PCNT: variants seen among roughly 807,000 people sequenced by gnomAD.
PCNT encodes the protein kendrin.
In PCNT, 319 loss-of-function variants were observed where a neutral mutation model predicts 380.4. The observed-to-expected ratio is 0.84, with a 90% CI of 0.77 to 0.92. The LOEUF (loss-of-function observed/expected upper bound fraction) is 0.92. Among genes scored for constraint, PCNT ranks in the 40% least tolerant of loss-of-function variants. PCNT has a pLI of 0.00. For synonymous variants in PCNT, 1,845 were observed against 1,735.2 expected, an observed-to-expected ratio of 1.06 and a Z score of -1.57; for missense variants, 4,400 against 4,255.3, an observed-to-expected ratio of 1.03 and a Z score of -0.95.
At chr21:46,350,499 C>T (rs1219250293) in intron 8 of PCNT, among the ~76,000 whole-genome samples, 1 of 152,194 alleles carries the variant, frequency 6.6e-6, no homozygotes, top group African/African-American at 2.4e-5. Flanking sequence ...TGGCCAGGTC[C>T]TCATTGGAGG....
intron 27 of PCNT, among the ~76,000 whole-genome samples, chr21:46,409,783 C>G (rs2086727390): frequency 6.6e-6 from 1 of 151,784 alleles, no homozygotes; most frequent in Admixed American, 6.6e-5. Flanking sequence ...TACTAGAGAC[C>G]AGGGTGCACC....
chr21:46,343,981 C>T (rs2083986125), intron 3 of PCNT, among the ~76,000 whole-genome samples: 1 of 151,852 alleles, frequency 6.6e-6, no homozygotes, highest in Non-Finnish European at 1.5e-5. Context: ...ATTTAGTTTC[C>T]AATTGAGCTT....
rs745929296 is a variant in PCNT, at chr21:46,438,280, C to T, written c.9216C>T (p.Ala3072=). ...VTQEKLELSR[A]VSKLEKLLKH... is the part of the protein sequence containing the mutation. ...AGGAGAAGCTGGAGCTGAGCAGAGCCGTGTCTAAGCTTGAGAAGTTGCTGA... is the reference window on the plus strand; with the variant it reads ...AGGAGAAGCTGGAGCTGAGCAGAGCTGTGTCTAAGCTTGAGAAGTTGCTGA... The change falls in exon 41 of 47, where the codon GCC becomes GCT. Residue 3072 remains alanine, a synonymous_variant. Coordinates refer to ENST00000359568, the MANE Select transcript of PCNT (RefSeq NM_006031.6). 9.3e-6 allele frequency: 15 copies of T among 1,614,050 alleles called. No individual in the cohort carries two copies. Among genetic ancestry groups the T allele is most frequent in the Admixed American group, 8.3e-5 (5 of 60,002 alleles).
intron 4 of PCNT, 76 bp from the exon 5 acceptor site, chr21:46,346,663 CTCAT>C: frequency 6.7e-7 from 1 of 1,491,232 alleles, no homozygotes; most frequent in Non-Finnish European, 9.1e-7. Context: ...CTTACTCATT[CTCAT>C]TCATGCTTCT....
Position 46,326,376 on chromosome 21 carries a change from G to T in PCNT, c.55-1G>T. 1 of 1,614,114 alleles carries T rather than the reference G, an allele frequency of 6.2e-7. No individual in the cohort carries two copies. The highest frequency in any genetic ancestry group is 8.5e-7 in the Non-Finnish European group (1 of 1,180,004). ...TACTACTTATCTACATTTTTGCGCA[G>T]CTTGCTCACTTCCGACAGAGAAAAA... On this transcript the variant is annotated splice_acceptor_variant, in intron 1 of 46. Transcript: ENST00000359568. LOFTEE classifies it high-confidence loss of function.
At chr21:46,375,727 C>A (rs999118826) in intron 15 of PCNT, among the ~76,000 whole-genome samples, 3 of 152,222 alleles carry the variant, frequency 2.0e-5, no homozygotes, top group African/African-American at 7.2e-5. Flanking sequence ...GCTGGGCCTG[C>A]ATGCCTGTGA....
At chr21:46,383,527 G>T (rs2085676684) in intron 16 of PCNT, among the ~76,000 whole-genome samples, 1 of 139,232 alleles carries the variant, frequency 7.2e-6, no homozygotes, top group Non-Finnish European at 1.5e-5. Flanking sequence ...ATATTCAGTG[G>T]CGGAAGCGCA....
At chr21:46,348,959 C>G (rs2084172587) in intron 6 of PCNT, 53 bp from the exon 7 acceptor site, 1 of 1,232,752 alleles carries the variant, frequency 8.1e-7, no homozygotes, top group East Asian at 2.3e-5. Flanking sequence ...ATTTAAATTT[C>G]TTTAGCACAG....
intron 15 of PCNT, among the ~76,000 whole-genome samples, chr21:46,370,270 G>A (rs767136549): frequency 6.6e-5 from 10 of 152,028 alleles, no homozygotes; most frequent in Non-Finnish European, 1.3e-4. Flanking sequence ...TGGGGCCTCC[G>A]GAGGGCAGGG....
At chr21:46,378,836 G>T (rs1046967462) in intron 15 of PCNT, among the ~76,000 whole-genome samples, 1 of 152,152 alleles carries the variant, frequency 6.6e-6, no homozygotes, top group Non-Finnish European at 1.5e-5. Flanking sequence ...TCCCTCGTCT[G>T]CCCTTTGTGC....
chr21:46,381,795 G>A lies in PCNT; in HGVS notation c.3267G>A (p.Glu1089=). The stretch of plus-strand genomic sequence containing the variant: ...AGCCTTTTCACCAAGAGGAGAAAGA[G>A]TCTTTGTCTCTGCAGCTTCAAAAGA... The part of the protein sequence containing the change: ...QAQPFHQEEK[E]SLSLQLQKKN... The change falls in exon 16 of 47, where the codon GAG becomes GAA. Residue 1089 remains glutamate, a synonymous_variant. Coordinates refer to ENST00000359568, the MANE Select transcript of PCNT (RefSeq NM_006031.6). 6.2e-7 allele frequency: 1 copy of A among 1,614,250 alleles called. No homozygotes were observed. The highest frequency in any genetic ancestry group is 2.2e-5 in the East Asian group (1 of 44,892).
chr21:46,381,135 C>G (rs917093012), intron 15 of PCNT, among the ~76,000 whole-genome samples: 9 of 146,558 alleles, frequency 6.1e-5, no homozygotes, highest in Non-Finnish European at 1.0e-4. Context: ...TGAGATCACA[C>G]CACTGCATTC....
chr21:46,399,818 G>C, intron 25 of PCNT, 22 bp downstream of exon 25: 1 of 1,604,988 alleles, frequency 6.2e-7, no homozygotes. Context: ...CCATGTTGTG[G>C]TTGGGCACGT....
chr21:46,401,694 G>C lies in PCNT; in HGVS notation c.4935G>C (p.Gln1645His), dbSNP rs145430819. The C allele has an allele frequency of 4.3e-6, 7 of 1,614,012 alleles. No individual in the cohort carries two copies. The African/African-American group carries it at 9.3e-5, about 22-fold the overall frequency. ...EGPEIQLEVT[Q>H]RALLRRESEV... ...CAGAAATACAGTTAGAGGTGACACA[G>C]AGAGCACTCCTGCGGCGCGAGAGCG... Residue 1645 changes from glutamine to histidine, a missense_variant, in exon 26 of 47, where the codon CAG becomes CAC. Coordinates refer to ENST00000359568, the MANE Select transcript of PCNT (RefSeq NM_006031.6).
intron 32 of PCNT, among the ~76,000 whole-genome samples, chr21:46,423,516 CAAG>C (rs2087342824): frequency 1.3e-5 from 2 of 151,454 alleles, no homozygotes; most frequent in Admixed American, 6.6e-5. Flanking sequence ...TATAAAACGT[CAAG>C]GAGATGTTTC....
rs565364971 is a variant in PCNT, at chr21:46,426,032, C to T, written c.7320+61C>T. 1.0e-4 allele frequency: 154 copies of T among 1,532,024 alleles called. 2 individuals are homozygous for T. In the South Asian group the frequency reaches 1.6e-3, roughly 15 times the overall value. The allele number at this position is 1,532,024 out of a possible 1,614,324, so 94.9% of individuals were successfully genotyped here. ...GATTTAAGGAGCTTGTGGTAATGGC[C>T]GCGTCCTTAGGGCCACGTGGACACT... On this transcript the variant is annotated intron_variant, in intron 33 of 46. Transcript: ENST00000359568.
chr21:46,356,583 G>A (rs1431678572), intron 12 of PCNT, among the ~76,000 whole-genome samples: 1 of 152,250 alleles, frequency 6.6e-6, no homozygotes, highest in Non-Finnish European at 1.5e-5. Flanking sequence ...CTCAGGCCCT[G>A]TCCTTGTGGC....
Position 46,439,990 on chromosome 21 carries a change from T to C in PCNT, c.9274-93T>C, listed in dbSNP as rs541340841. 3.3e-3 allele frequency: 5,073 copies of C among 1,520,752 alleles called. 22 individuals carry two copies. Among genetic ancestry groups the C allele is most frequent in the Non-Finnish European group, 4.1e-3 (4,547 of 1,097,840 alleles). The allele number at this position is 1,520,752 out of a possible 1,614,324, so 94.2% of individuals were successfully genotyped here. ...GTGGTCAGCCTGGCCTCCCCGCACA[T>C]GGCCTTCTCCCTCACCTGCCCCCGG... is the stretch of plus-strand genomic sequence containing the variant. On this transcript the variant is annotated intron_variant, in intron 41 of 46. Coordinates refer to ENST00000359568, the MANE Select transcript of PCNT (RefSeq NM_006031.6).
At chr21:46,403,671 A>G (rs1338335715) in intron 27 of PCNT, among the ~76,000 whole-genome samples, 2 of 119,906 alleles carry the variant, frequency 1.7e-5, no homozygotes, top group Non-Finnish European at 3.4e-5. Context: ...GCGTGGGAGA[A>G]TCGTGTGTGT....
Sources: allele counts gnomAD v4.1 joint callset (sites outside exome capture counted in the v4.1 genomes callset), GRCh38; gene constraint gnomAD v4.1.1; transcripts MANE v1.5; gene names NCBI Gene and HGNC (gene_info 2026-07-23, HGNC 2026-07-21).